Variants in CHD7 observed in about 807,000 individuals in gnomAD.
CHD7 encodes the protein ATP-dependent chromatin remodeler CHD7.
Under a neutral mutation model 307.3 loss-of-function variants are expected in CHD7, and 24 were observed. The ratio of observed to expected loss-of-function variants is 0.08; its 90% CI spans 0.06 to 0.11. The LOEUF (loss-of-function observed/expected upper bound fraction) is 0.11, where lower values mean the gene tolerates loss of function less well. Among genes scored for constraint, CHD7 ranks in the 10% least tolerant of loss-of-function variants. CHD7 has a pLI of 1.00. For synonymous variants in CHD7, 1,363 were observed against 1,349.9 expected (o/e 1.01, Z -0.21); for missense variants, 3,106 against 3,727.1 (o/e 0.83, Z 4.34).
At chr8:60,740,341 T>C (rs1031129051) in intron 1 of CHD7, among the ~76,000 whole-genome samples, 9 of 152,238 alleles carry the variant, frequency 5.9e-5, no homozygotes, top group African/African-American at 2.2e-4. Context: ...GTTGTATTTC[T>C]AGTTATGAGA....
chr8:60,849,170 G>C lies in CHD7; in HGVS notation c.5404+16G>C. On this transcript the variant is annotated intron_variant, in intron 25 of 37. Coordinates refer to ENST00000423902, the MANE Select transcript of CHD7 (RefSeq NM_017780.4). Reference sequence around the variant, plus strand: ...TTCAAACATGGTAAGTGACGTTTCTGTTTGAATACATCTCAACTGTATGGC... The same window carrying C: ...TTCAAACATGGTAAGTGACGTTTCTCTTTGAATACATCTCAACTGTATGGC... The C allele has an allele frequency of 6.7e-7, 1 of 1,498,670 alleles. No homozygotes were observed. Among genetic ancestry groups the C allele is most frequent in the Non-Finnish European group, 9.3e-7 (1 of 1,076,004 alleles). 92.8% of individuals were successfully genotyped at this position (1,498,670 alleles called of 1,614,324 possible).
chr8:60,728,171 A>G (rs1026765114), intron 1 of CHD7, among the ~76,000 whole-genome samples: 1 of 152,248 alleles, frequency 6.6e-6, no homozygotes, highest in Non-Finnish European at 1.5e-5. Context: ...TTGATGGGAA[A>G]TTTGCCAGGC....
At chr8:60,790,270 A>G (rs141518850) in intron 3 of CHD7, among the ~76,000 whole-genome samples, 382 of 152,058 alleles carry the variant, frequency 2.5e-3, no homozygotes, top group Admixed American at 7.3e-3. Context: ...TCACAAGTGG[A>G]TGGCTCTACG....
chr8:60,756,949 T>C (rs1192612665), intron 2 of CHD7, among the ~76,000 whole-genome samples: 1 of 152,232 alleles, frequency 6.6e-6, no homozygotes, highest in Admixed American at 6.5e-5. Context: ...AAAAAGGGTC[T>C]AAAGTACTAA....
intron 1 of CHD7, among the ~76,000 whole-genome samples, chr8:60,726,481 A>G (rs538411171): frequency 2.6e-5 from 4 of 152,248 alleles, no homozygotes; most frequent in African/African-American, 4.8e-5. Context: ...AAGATAACAA[A>G]GTTTATTTTA....
rs757119372 is a variant in CHD7, at chr8:60,781,122, AAAGAAG to A, written c.1794_1799del (p.Lys601_Lys602del). 6.2e-7 allele frequency: 1 copy of A among 1,610,758 alleles called. No individual in the cohort carries two copies. ...CATCAATAGAACAGCAGCCACAACA[AAAGAAG>A]AAGAAAAAGAAAAACAACCACATTG... is the stretch of plus-strand genomic sequence containing the variant. On this transcript the variant is annotated inframe_deletion, in exon 3 of 38. Coordinates refer to ENST00000423902, the MANE Select transcript of CHD7 (RefSeq NM_017780.4).
chr8:60,860,315 G>A (rs1405518546), intron 34 of CHD7, among the ~76,000 whole-genome samples: 1 of 152,208 alleles, frequency 6.6e-6, no homozygotes, highest in East Asian at 1.9e-4. Context: ...TACCCCCCAT[G>A]TTGTATTCCC....
At chr8:60,700,815 C>T (rs1180488231) in intron 1 of CHD7, among the ~76,000 whole-genome samples, 2 of 152,202 alleles carry the variant, frequency 1.3e-5, no homozygotes, top group Non-Finnish European at 2.9e-5. Context: ...GAAGAGGGCC[C>T]AGTGCCGGAC....
intron 4 of CHD7, among the ~76,000 whole-genome samples, chr8:60,796,500 G>A (rs4301480): frequency 0.84 from 127,603 of 152,192 alleles, 53,909 homozygotes; most frequent in East Asian, 0.94. Flanking sequence ...GAATTTGTTT[G>A]CATCAGTAGA....
chr8:60,801,925 A>T (rs562699606), intron 6 of CHD7, among the ~76,000 whole-genome samples: 1 of 152,298 alleles, frequency 6.6e-6, no homozygotes, highest in South Asian at 2.1e-4. Context: ...ATTTACTTCT[A>T]ATCTCTCTCA....
chr8:60,768,386 A>G (rs1046487561), intron 2 of CHD7, among the ~76,000 whole-genome samples: 2 of 152,180 alleles, frequency 1.3e-5, no homozygotes, highest in Non-Finnish European at 2.9e-5. Context: ...CCTAATATTA[A>G]ATCCTTCAAG....
intron 37 of CHD7, chr8:60,864,387 T>TG (rs1489929819): frequency 6.6e-6 from 1 of 152,420 alleles, no homozygotes; most frequent in East Asian, 1.9e-4. Flanking sequence ...CCCAAAGTGT[T>TG]GGGATTACAA....
At chr8:60,822,278 A>G in intron 11 of CHD7, 133 bp downstream of exon 11, 5 of 755,236 alleles carry the variant, frequency 6.6e-6, no homozygotes, top group African/African-American at 1.8e-5. Context: ...CATTGAAAAT[A>G]TATGTAATAT....
Position 60,865,721 on chromosome 8 carries a change from C to G in CHD7, c.8782C>G (p.Gln2928Glu). ...TGGGTTCCCAGCATTGGCAGGACTT[C>G]AGAATGCCGTGGGCTCCAGCGAAGA... The part of the protein sequence containing the change: ...LPGFPALAGL[Q>E]NAVGSSEEKA... Residue 2928 changes from glutamine (Q) to glutamate (E), a missense_variant, in exon 38 of 38, where the codon CAG (glutamine) becomes GAG (glutamate). Transcript: ENST00000423902. This position sits in a 1 kb window ranked among gnomAD's most constrained non-coding sequence, Gnocchi z 4.3. 1 of 1,609,704 alleles carries G rather than the reference C, an allele frequency of 6.2e-7. No individual in the cohort carries two copies. Among genetic ancestry groups the G allele is most frequent in the Non-Finnish European group, 8.5e-7 (1 of 1,177,102 alleles).
At chr8:60,762,032 A>T (rs1433936068) in intron 2 of CHD7, among the ~76,000 whole-genome samples, 1 of 152,140 alleles carries the variant, frequency 6.6e-6, no homozygotes, top group Non-Finnish European at 1.5e-5. Flanking sequence ...TCCAATTGCC[A>T]TGAGAGGGGA....
chr8:60,815,781 A>G (rs1217824547), intron 7 of CHD7, among the ~76,000 whole-genome samples: 2 of 152,218 alleles, frequency 1.3e-5, no homozygotes, highest in African/African-American at 2.4e-5. Context: ...GGCATGGCCC[A>G]GTGTTCCAGG....
At chr8:60,743,493 C>G (rs780102014) in intron 2 of CHD7, among the ~76,000 whole-genome samples, 1 of 152,138 alleles carries the variant, frequency 6.6e-6, no homozygotes, top group Non-Finnish European at 1.5e-5. Context: ...AAGATTTATG[C>G]GTGTGTGGTA....
chr8:60,722,777 A>C lies in CHD7; in HGVS notation c.-174-18482A>C, dbSNP rs373500252. On this transcript the variant is annotated intron_variant, in intron 1 of 37. Coordinates refer to ENST00000423902, the MANE Select transcript of CHD7 (RefSeq NM_017780.4). ...CTACTTCTGCATTCAGTCTGTTACAATATGTTATTTCAGTTGAAGAACATG... is the reference window on the plus strand; with the variant it reads ...CTACTTCTGCATTCAGTCTGTTACACTATGTTATTTCAGTTGAAGAACATG... Among the ~76,000 whole-genome samples, 10 of 152,324 alleles carry C rather than the reference A, an allele frequency of 6.6e-5. No individual in the cohort carries two copies. The South Asian group carries it at 1.2e-3, about 19-fold the overall frequency.
intron 3 of CHD7, among the ~76,000 whole-genome samples, chr8:60,793,630 T>C (rs558138163): frequency 6.6e-6 from 1 of 152,366 alleles, no homozygotes; most frequent in South Asian, 2.1e-4. Context: ...ACATGCTGTT[T>C]AATGCATTCT....
Sources: allele counts gnomAD v4.1 joint callset (sites outside exome capture counted in the v4.1 genomes callset), GRCh38; gene constraint gnomAD v4.1.1; non-coding constraint Gnocchi (gnomAD v3.1); transcripts MANE v1.5; gene names NCBI Gene and HGNC (gene_info 2026-07-23, HGNC 2026-07-21).